The following JAKMIP3 variants were observed in gnomAD, a reference collection of about 807,000 sequenced individuals.
JAKMIP3 encodes the protein Janus kinase and microtubule interacting protein 3, also known as janus kinase and microtubule-interacting protein 3.
Under a neutral mutation model 118.5 loss-of-function variants are expected in JAKMIP3, and 58 were observed. The ratio of observed to expected loss-of-function variants is 0.49; its 90% CI spans 0.40 to 0.61. The LOEUF is 0.61. JAKMIP3 is among the 20% of genes least tolerant of loss of function. JAKMIP3 has a pLI of 0.00. For missense variants in JAKMIP3, 950 were observed against 1,109.0 expected, an observed-to-expected ratio of 0.86 and a Z score of 2.04; for synonymous variants, 486 against 451.2, an observed-to-expected ratio of 1.08 and a Z score of -0.98.
At chr10:132,079,871 T>C (rs563622714) in intron 1 of JAKMIP3, among the ~76,000 whole-genome samples, 8 of 152,236 alleles carry the variant, frequency 5.3e-5, no homozygotes, top group Non-Finnish European at 8.8e-5. Flanking sequence ...TGAATCGTGT[T>C]CCATCTTGTG....
chr10:132,103,769 G>C (rs1445309529), intron 1 of JAKMIP3, among the ~76,000 whole-genome samples: 4 of 152,032 alleles, frequency 2.6e-5, no homozygotes, highest in Admixed American at 2.6e-4. Context: ...GCAAGCAGTG[G>C]GCGAGGGAGG....
chr10:132,098,287 G>A (rs1349554369), intron 1 of JAKMIP3, among the ~76,000 whole-genome samples: 1 of 151,956 alleles, frequency 6.6e-6, no homozygotes, highest in Non-Finnish European at 1.5e-5. Flanking sequence ...GCCTCTTAAG[G>A]TGCTGGGATT....
At chr10:132,165,785 C>T (rs930592685) in intron 21 of JAKMIP3, among the ~76,000 whole-genome samples, 1 of 152,250 alleles carries the variant, frequency 6.6e-6, no homozygotes, top group Non-Finnish European at 1.5e-5. Context: ...CCACTGGGCA[C>T]TCACTGCCGC....
At chr10:132,108,181 G>T (rs2046217038) in intron 2 of JAKMIP3, among the ~76,000 whole-genome samples, 1 of 152,150 alleles carries the variant, frequency 6.6e-6, no homozygotes, top group Non-Finnish European at 1.5e-5. Context: ...TCTAGGTTGG[G>T]GTTTTCACAC....
intron 1 of JAKMIP3, among the ~76,000 whole-genome samples, chr10:132,076,213 G>A (rs1251746630): frequency 1.3e-5 from 2 of 151,848 alleles, no homozygotes; most frequent in Admixed American, 1.3e-4. Flanking sequence ...TTCTTCCTCT[G>A]TAAATTCGCC....
At chr10:132,082,815 T>C (rs2041948289) in intron 1 of JAKMIP3, among the ~76,000 whole-genome samples, 2 of 152,356 alleles carry the variant, frequency 1.3e-5, no homozygotes, top group African/African-American at 2.4e-5. Flanking sequence ...TTCACCATGT[T>C]GGCCAGGATG....
Position 132,117,600 on chromosome 10 carries a change from TGGGCGAGGGTGCAGG to T in JAKMIP3, c.633+29_633+43del. ...GTACGTGGGCAGGCAGGGGCGGGCG[TGGGCGAGGGTGCAGG>T]GGCGGGCGTGGGCGAGGGTGCAGGG... On this transcript the variant is annotated intron_variant, in intron 3 of 23. Transcript: ENST00000684848. The surrounding 1 kb of genome is among the most constrained non-coding windows in gnomAD (Gnocchi z 8.6). The T allele has an allele frequency of 2.5e-6, 2 of 809,726 alleles. No homozygotes were observed. Among genetic ancestry groups the T allele is most frequent in the South Asian group, 2.1e-5 (1 of 48,234 alleles). 50.2% of individuals were successfully genotyped at this position (809,726 alleles called of 1,614,324 possible).
chr10:132,115,392 G>A (rs922296571), intron 2 of JAKMIP3, among the ~76,000 whole-genome samples: 1 of 152,210 alleles, frequency 6.6e-6, no homozygotes, highest in African/African-American at 2.4e-5. Context: ...TCCCACCAGC[G>A]GCCCAGAGGA....
intron 21 of JAKMIP3, among the ~76,000 whole-genome samples, chr10:132,165,794 G>A (rs533321569): frequency 1.8e-3 from 277 of 152,322 alleles, no homozygotes; most frequent in African/African-American, 4.9e-3. Flanking sequence ...ACTCACTGCC[G>A]CCTGTGAGAA....
intron 1 of JAKMIP3, among the ~76,000 whole-genome samples, chr10:132,066,607 G>C (rs991354961): frequency 6.6e-6 from 1 of 152,196 alleles, no homozygotes; most frequent in African/African-American, 2.4e-5. Flanking sequence ...ACCTACCTGC[G>C]CATTGATTGG....
intron 23 of JAKMIP3, among the ~76,000 whole-genome samples, chr10:132,178,037 G>A (rs1207147633): frequency 6.6e-6 from 1 of 152,232 alleles, no homozygotes; most frequent in Non-Finnish European, 1.5e-5. Flanking sequence ...GTGTGAACCT[G>A]CTCCTGTGCA....
chr10:132,172,427 C>T (rs995787065), intron 23 of JAKMIP3, among the ~76,000 whole-genome samples: 2 of 152,066 alleles, frequency 1.3e-5, no homozygotes, highest in Non-Finnish European at 2.9e-5. Context: ...GAAAACACCA[C>T]GTTTCTCTGT....
At chr10:132,130,581 A>G (rs871434) in intron 3 of JAKMIP3, among the ~76,000 whole-genome samples, 23,144 of 152,204 alleles carry the variant, frequency 0.15, 2,908 homozygotes, top group African/African-American at 0.32. Flanking sequence ...TCCTGGCTCC[A>G]TGGGCCCTGG....
chr10:132,056,303 G>A (rs576181759), intron 1 of JAKMIP3, among the ~76,000 whole-genome samples: 1 of 152,300 alleles, frequency 6.6e-6, no homozygotes, highest in Admixed American at 6.5e-5. Context: ...CATCCCCAGC[G>A]TCTCTGCTGC....
intron 1 of JAKMIP3, among the ~76,000 whole-genome samples, chr10:132,045,604 G>GTA (rs1262451321): frequency 6.6e-6 from 1 of 152,194 alleles, no homozygotes; most frequent in Admixed American, 6.5e-5. Context: ...GAATACAAAA[G>GTA]TATGATATGT....
At chr10:132,092,746 C>G (rs760750314) in intron 1 of JAKMIP3, among the ~76,000 whole-genome samples, 1 of 152,120 alleles carries the variant, frequency 6.6e-6, no homozygotes, top group Non-Finnish European at 1.5e-5. Flanking sequence ...GTTTGATCAT[C>G]GGAAGCCTAC....
At chr10:132,156,458 C>T (rs1393643628) in intron 19 of JAKMIP3, among the ~76,000 whole-genome samples, 1 of 152,206 alleles carries the variant, frequency 6.6e-6, no homozygotes, top group Admixed American at 6.5e-5. Context: ...CACTGCTGTG[C>T]AGCCACCACC....
intron 14 of JAKMIP3, among the ~76,000 whole-genome samples, chr10:132,149,206 C>T (rs1481221641): frequency 3.3e-5 from 5 of 152,184 alleles, no homozygotes; most frequent in East Asian, 3.9e-4. Flanking sequence ...CTGGGGTCAG[C>T]GAATATACAG....
intron 1 of JAKMIP3, among the ~76,000 whole-genome samples, chr10:132,087,403 G>C (rs942515407): frequency 6.6e-6 from 1 of 152,084 alleles, no homozygotes; most frequent in Non-Finnish European, 1.5e-5. Context: ...TGGATGTCTA[G>C]GTCTCTAGCA....
Sources: allele counts gnomAD v4.1 joint callset (sites outside exome capture counted in the v4.1 genomes callset), GRCh38; gene constraint gnomAD v4.1.1; non-coding constraint Gnocchi (gnomAD v3.1); transcripts MANE v1.5; gene names NCBI Gene and HGNC (gene_info 2026-07-23, HGNC 2026-07-21).